Variants in PIK3C2G observed in about 807,000 individuals in gnomAD.
PIK3C2G encodes phosphatidylinositol 3-kinase C2 domain-containing subunit gamma.
Under a neutral mutation model 181.1 loss-of-function variants are expected in PIK3C2G, and 168 were observed. The observed-to-expected ratio is 0.93, with a 90% CI of 0.82 to 1.05. The LOEUF (loss-of-function observed/expected upper bound fraction) is 1.05, where lower values mean the gene tolerates loss of function less well. PIK3C2G is among the 50% of genes least tolerant of loss of function. The pLI is 0.00. For synonymous variants in PIK3C2G, 573 were observed against 592.2 expected (o/e 0.97, Z 0.47); for missense variants, 1,869 against 1,732.8 (o/e 1.08, Z -1.40).
intron 1 of PIK3C2G, among the ~76,000 whole-genome samples, chr12:18,250,983 A>G (rs1240305198): frequency 2.0e-5 from 3 of 152,000 alleles, no homozygotes; most frequent in East Asian, 3.8e-4. Flanking sequence ...TGGCATTATT[A>G]AAACCTGAGG....
chr12:18,328,833 T>C (rs1485487563), intron 8 of PIK3C2G, among the ~76,000 whole-genome samples: 1 of 151,724 alleles, frequency 6.6e-6, no homozygotes, highest in Admixed American at 6.6e-5. Context: ...TTGTATAGAA[T>C]CCAGAAGAAA....
At chr12:18,426,384 T>G (rs938177901) in intron 18 of PIK3C2G, among the ~76,000 whole-genome samples, 1 of 152,154 alleles carries the variant, frequency 6.6e-6, no homozygotes, top group African/African-American at 2.4e-5. Context: ...AAAAACTCAC[T>G]TATTAAAAAC....
chr12:18,485,448 G>T (rs1944859401), intron 18 of PIK3C2G, among the ~76,000 whole-genome samples: 1 of 152,090 alleles, frequency 6.6e-6, no homozygotes, highest in South Asian at 2.1e-4. Flanking sequence ...TAAAAAATTT[G>T]CTCAGTCACC....
chr12:18,555,675 T>A (rs561476707), intron 26 of PIK3C2G, among the ~76,000 whole-genome samples: 1 of 152,224 alleles, frequency 6.6e-6, no homozygotes, highest in East Asian at 1.9e-4. Context: ...TATGTTACAT[T>A]TTTTTTACCT....
intron 18 of PIK3C2G, among the ~76,000 whole-genome samples, chr12:18,461,421 A>C (rs1044110913): frequency 6.6e-6 from 1 of 152,198 alleles, no homozygotes; most frequent in Non-Finnish European, 1.5e-5. Context: ...AAACACTTGC[A>C]TATGTCCTTA....
chr12:18,393,282 A>C (rs993424932), intron 15 of PIK3C2G, among the ~76,000 whole-genome samples: 1 of 152,048 alleles, frequency 6.6e-6, no homozygotes, highest in Non-Finnish European at 1.5e-5. Context: ...CACTCAAATA[A>C]AATTATTAAT....
At chr12:18,648,960 G>T (rs1242106510), downstream of PIK3C2G, among the ~76,000 whole-genome samples, 1 of 151,960 alleles carries the variant, frequency 6.6e-6, no homozygotes, top group Admixed American at 6.6e-5. Flanking sequence ...AAAAATCTAA[G>T]CTTTTTCCCA....
chr12:18,632,611 T>C (rs1322005360), intron 31 of PIK3C2G, among the ~76,000 whole-genome samples: 2 of 152,100 alleles, frequency 1.3e-5, no homozygotes, highest in Admixed American at 1.3e-4. Context: ...GTCCACAAAC[T>C]GAAGATTCAC....
intron 8 of PIK3C2G, among the ~76,000 whole-genome samples, chr12:18,332,122 G>T (rs911099806): frequency 6.6e-6 from 1 of 151,998 alleles, no homozygotes; most frequent in Non-Finnish European, 1.5e-5. Flanking sequence ...GTTAGATTTT[G>T]GCATAAGAGT....
chr12:18,647,131 T>A (rs1950180640), intron 32 of PIK3C2G, among the ~76,000 whole-genome samples: 1 of 152,138 alleles, frequency 6.6e-6, no homozygotes, highest in South Asian at 2.1e-4. Flanking sequence ...ATTTTCATAA[T>A]TAAAAATTAG....
chr12:18,309,314 CA>C (rs1254145296), intron 5 of PIK3C2G, among the ~76,000 whole-genome samples: 2 of 151,768 alleles, frequency 1.3e-5, no homozygotes, highest in South Asian at 2.1e-4. Context: ...CATAAAATAT[CA>C]AAAAGTTCAT....
At chr12:18,388,990 T>C (rs761376324) in intron 14 of PIK3C2G, among the ~76,000 whole-genome samples, 1 of 152,168 alleles carries the variant, frequency 6.6e-6, no homozygotes, top group Non-Finnish European at 1.5e-5. Flanking sequence ...TAGCCAGGAA[T>C]GTGAGAAATA....
intron 18 of PIK3C2G, among the ~76,000 whole-genome samples, chr12:18,457,058 T>C (rs1015898927): frequency 3.3e-5 from 5 of 152,032 alleles, no homozygotes; most frequent in African/African-American, 4.8e-5. Flanking sequence ...GAAATACAAG[T>C]ACAATGGAAA....
chr12:18,709,814 G>A, the PIK3C2G span, among the ~76,000 whole-genome samples: 12 of 151,934 alleles, frequency 7.9e-5, no homozygotes, highest in South Asian at 4.1e-4. Flanking sequence ...ATCTTTTCAC[G>A]TATTTGTGTC....
At chr12:18,377,101 A>G (rs1164791694) in intron 13 of PIK3C2G, among the ~76,000 whole-genome samples, 1 of 152,240 alleles carries the variant, frequency 6.6e-6, no homozygotes, top group Non-Finnish European at 1.5e-5. Flanking sequence ...AGCAGCCCAA[A>G]GAATTTTATA....
chr12:18,261,910 T>C (rs1948254490), intron 1 of PIK3C2G, among the ~76,000 whole-genome samples: 1 of 152,096 alleles, frequency 6.6e-6, no homozygotes, highest in Non-Finnish European at 1.5e-5. Flanking sequence ...CATCAGAGCC[T>C]TGAGCTAATT....
intron 6 of PIK3C2G, among the ~76,000 whole-genome samples, chr12:18,317,091 G>A (rs1289487640): frequency 2.1e-5 from 3 of 143,940 alleles, no homozygotes; most frequent in Non-Finnish European, 4.5e-5. Flanking sequence ...TTGGCTCACT[G>A]CAACCTCCGC....
At position 18,563,549 on chromosome 12, in the gene PIK3C2G, C is replaced by G. The variant is rs1945459242; in HGVS notation, c.3902+51C>G. 5 of 1,566,148 alleles carry G rather than the reference C, an allele frequency of 3.2e-6. No individual in the cohort carries two copies. The Admixed American group carries it at 9.1e-5, about 28-fold the overall frequency. On this transcript the variant is annotated intron_variant, in intron 28 of 32. Transcript: ENST00000538779. ...TTTGCCTTCAGTACTTGTCCTTGAG[C>G]AAAAAGAAAAATTATGGTTATGGGA...
intron 18 of PIK3C2G, among the ~76,000 whole-genome samples, chr12:18,461,389 T>C (rs558051687): frequency 6.6e-6 from 1 of 152,328 alleles, no homozygotes; most frequent in East Asian, 1.9e-4. Flanking sequence ...ATATTCCCAT[T>C]GAGATGAACT....
Sources: gnomAD v4.1 joint callset for allele counts (sites outside exome capture counted in the v4.1 genomes callset) on GRCh38, gnomAD v4.1.1 for gene constraint, MANE v1.5 for transcripts, NCBI Gene and HGNC (gene_info 2026-07-23, HGNC 2026-07-21) for gene names.